TBC1D22A: variants seen among roughly 807,000 people sequenced by gnomAD.
TBC1D22A encodes the protein TBC1 domain family member 22A.
TBC1D22A carries 38 observed loss-of-function variants against 60.2 expected under a neutral mutation model. The observed-to-expected ratio is 0.63, with a 90% CI of 0.49 to 0.83. TBC1D22A has a LOEUF of 0.83. Among genes scored for constraint, TBC1D22A ranks in the 40% least tolerant of loss-of-function variants. The pLI is 0.00. For missense variants in TBC1D22A, 628 were observed against 701.0 expected (o/e 0.90, Z 1.18); for synonymous variants, 302 against 281.7 (o/e 1.07, Z -0.72).
At chr22:47,047,835 C>T (rs5769320) in intron 11 of TBC1D22A, among the ~76,000 whole-genome samples, 44,633 of 152,170 alleles carry the variant, frequency 0.29, 7,098 homozygotes, top group East Asian at 0.61. Flanking sequence ...TCTGCCTCTA[C>T]TCCTTGCCTT....
At chr22:46,931,797 C>G (rs548888661) in intron 8 of TBC1D22A, among the ~76,000 whole-genome samples, 2 of 152,216 alleles carry the variant, frequency 1.3e-5, no homozygotes, top group African/African-American at 4.8e-5. Context: ...ACTGATCTGA[C>G]GGACCTTCAT....
At chr22:46,934,966 G>A (rs2071562234) in intron 8 of TBC1D22A, among the ~76,000 whole-genome samples, 1 of 152,180 alleles carries the variant, frequency 6.6e-6, no homozygotes, top group African/African-American at 2.4e-5. Context: ...TTAGAAAGCT[G>A]TTTGATATCA....
chr22:47,055,069 G>C (rs1213171780), intron 11 of TBC1D22A, among the ~76,000 whole-genome samples: 1 of 152,212 alleles, frequency 6.6e-6, no homozygotes. Flanking sequence ...GAGGTGAGGG[G>C]GTCTCGAGGG....
chr22:46,843,887 C>T (rs1443709250), intron 4 of TBC1D22A, among the ~76,000 whole-genome samples: 8 of 151,990 alleles, frequency 5.3e-5, no homozygotes, highest in East Asian at 1.9e-4. Flanking sequence ...CTCACATCAT[C>T]GGGAAGGACA....
intron 1 of TBC1D22A, among the ~76,000 whole-genome samples, chr22:46,781,413 C>T (rs1000628526): frequency 1.3e-5 from 2 of 152,156 alleles, no homozygotes; most frequent in African/African-American, 2.4e-5. Flanking sequence ...TGGACTCAAA[C>T]GATCTGCCTA....
chr22:46,872,612 T>C (rs1017387360), intron 4 of TBC1D22A, among the ~76,000 whole-genome samples: 2 of 152,206 alleles, frequency 1.3e-5, no homozygotes, highest in African/African-American at 4.8e-5. Flanking sequence ...AGGACTCAAT[T>C]TGCAATTGAA....
intron 11 of TBC1D22A, among the ~76,000 whole-genome samples, chr22:47,104,107 C>G (rs997351858): frequency 3.3e-5 from 5 of 151,862 alleles, no homozygotes; most frequent in Non-Finnish European, 7.4e-5. Context: ...GAGTTTGAGA[C>G]CAGCCTGGCC....
At chr22:47,108,796 T>C (rs536309968) in intron 11 of TBC1D22A, among the ~76,000 whole-genome samples, 126 of 152,218 alleles carry the variant, frequency 8.3e-4, no homozygotes, top group African/African-American at 2.9e-3. Flanking sequence ...CCCAGGTTCA[T>C]GCCATTCTCC....
rs183838975 is a variant in TBC1D22A, at chr22:47,082,064, A to G, written c.1330-29444A>G. On this transcript the variant is annotated intron_variant, in intron 11 of 12. Coordinates refer to ENST00000337137, the MANE Select transcript of TBC1D22A (RefSeq NM_014346.5). ...TCCCAGCTGCTTGGGAGGCTGAGGC[A>G]GAAGAATCGCTTGAACCCAGGAGGT... Among the ~76,000 whole-genome samples the G allele has an allele frequency of 1.5e-4, 23 of 152,320 alleles. No individual in the cohort carries two copies. In the East Asian group the frequency reaches 3.5e-3, roughly 23 times the overall value.
chr22:46,993,944 G>A (rs1409985954), intron 9 of TBC1D22A, among the ~76,000 whole-genome samples: 14 of 152,324 alleles, frequency 9.2e-5, no homozygotes, highest in Admixed American at 7.2e-4. Flanking sequence ...CCTCGCCCTC[G>A]GGGGGTGGGG....
At position 46,990,042 on chromosome 22, in the gene TBC1D22A, G is replaced by A. The variant is rs529846664; in HGVS notation, c.1126-7592G>A. ...TGGTCTTGAACTCCTGGGCTCAAGC[G>A]AGCTGCCCATGTTGGCCTCCCAAAG... On this transcript the variant is annotated intron_variant, in intron 9 of 12. Transcript: ENST00000337137. The surrounding 1 kb of genome is among the most constrained non-coding windows in gnomAD (Gnocchi z 4.6). 2.0e-5 allele frequency among the ~76,000 whole-genome samples: 3 copies of A among 152,174 alleles called. No homozygotes were observed. Among genetic ancestry groups the A allele is most frequent in the South Asian group, 2.1e-4 (1 of 4,832 alleles).
At chr22:46,963,240 A>T (rs1397012411) in intron 8 of TBC1D22A, among the ~76,000 whole-genome samples, 3 of 94,878 alleles carry the variant, frequency 3.2e-5, no homozygotes, top group African/African-American at 1.3e-4. Context: ...AAAAAAAAAA[A>T]TCAGTGCCTG....
chr22:47,113,636 G>T (rs1157906218), intron 12 of TBC1D22A, among the ~76,000 whole-genome samples: 3 of 152,226 alleles, frequency 2.0e-5, no homozygotes, highest in African/African-American at 7.2e-5. Flanking sequence ...TCAGCAAAAG[G>T]CTGTGCCTCC....
At position 47,050,752 on chromosome 22, in the gene TBC1D22A, C is replaced by T. The variant is rs546665083; in HGVS notation, c.1329+13554C>T. Among the ~76,000 whole-genome samples, 64 of 141,544 alleles carry T rather than the reference C, an allele frequency of 4.5e-4. 2 individuals are homozygous for T. The South Asian group carries it at 0.013, about 29-fold the overall frequency. The allele number at this position is 141,544 out of a possible 152,430, so 92.9% of individuals were successfully genotyped here. A position where few individuals can be genotyped will look rare whatever the true frequency, so the allele number is the denominator to read the frequency against. On this transcript the variant is annotated intron_variant, in intron 11 of 12. Transcript: ENST00000337137. ...GGGAAGGGTCTTGTGAGGGCAGAAC[C>T]TTGGGGTGGGTGGGATGAGGGTGAA...
intron 7 of TBC1D22A, among the ~76,000 whole-genome samples, chr22:46,904,142 T>TCTGCCTACCTACCTACCTACCTAC (rs369598619): frequency 6.2e-4 from 84 of 134,568 alleles, no homozygotes; most frequent in African/African-American, 2.3e-3. Context: ...TATCTATCTA[T>TCTGCCTACCTACCTACCTACCTAC]CTACCTACCT....
intron 8 of TBC1D22A, among the ~76,000 whole-genome samples, chr22:46,956,647 C>T (rs934188060): frequency 2.6e-5 from 4 of 152,202 alleles, no homozygotes; most frequent in African/African-American, 7.2e-5. Flanking sequence ...AAGTTGAGTG[C>T]GTCTCGTGTG....
intron 4 of TBC1D22A, among the ~76,000 whole-genome samples, chr22:46,848,972 C>T (rs1271846722): frequency 6.6e-6 from 1 of 152,032 alleles, no homozygotes; most frequent in Non-Finnish European, 1.5e-5. Flanking sequence ...CCTCTCCTCC[C>T]TGTCCCCAGT....
At chr22:47,104,528 C>G (rs1032896008) in intron 11 of TBC1D22A, among the ~76,000 whole-genome samples, 1 of 151,880 alleles carries the variant, frequency 6.6e-6, no homozygotes, top group African/African-American at 2.4e-5. Context: ...AACCCCATCT[C>G]TACTGAAAAT....
rs900796614 is a variant in TBC1D22A, at chr22:46,876,783, G to A, written c.638-1870G>A. ...ACTAGGCCCACCTGTGGGTTCAGCT[G>A]CCTCTGGGCTGACTCCCCACCCCCA... is the stretch of plus-strand genomic sequence containing the variant. On this transcript the variant is annotated intron_variant, in intron 4 of 12. Coordinates refer to ENST00000337137, the MANE Select transcript of TBC1D22A (RefSeq NM_014346.5). 2.0e-5 allele frequency among the ~76,000 whole-genome samples: 3 copies of A among 152,242 alleles called. No individual in the cohort carries two copies. The East Asian group carries it at 5.8e-4, about 29-fold the overall frequency.
Sources: gnomAD v4.1 joint callset for allele counts (sites outside exome capture counted in the v4.1 genomes callset) on GRCh38, gnomAD v4.1.1 for gene constraint, Gnocchi (gnomAD v3.1) non-coding constraint, MANE v1.5 for transcripts, NCBI Gene and HGNC (gene_info 2026-07-23, HGNC 2026-07-21) for gene names.